Variants in LRRK2 observed in about 807,000 individuals in gnomAD.
The protein encoded by LRRK2 is leucine rich repeat kinase 2.
In LRRK2, 203 loss-of-function variants were observed where a neutral mutation model predicts 302.6. The ratio of observed to expected loss-of-function variants is 0.67; its 90% CI spans 0.60 to 0.75. The LOEUF is 0.75. Ranked by LOEUF, LRRK2 falls within the 30% of genes least tolerant of loss-of-function variation. The pLI is 0.00. For missense variants in LRRK2, 2,830 were observed against 2,951.0 expected (o/e 0.96, Z 0.95); for synonymous variants, 1,066 against 1,031.9 (o/e 1.03, Z -0.63).
intron 41 of LRRK2, among the ~76,000 whole-genome samples, chr12:40,345,642 A>AAAAAAG (rs1946170863): frequency 6.6e-6 from 1 of 150,800 alleles, no homozygotes; most frequent in African/African-American, 2.4e-5. Flanking sequence ...AAAAAAAAAA[A>AAAAAAG]AAAGAAAGAA....
chr12:40,367,804 C>T lies in LRRK2; in HGVS notation c.*39C>T, dbSNP rs773544738. On this transcript the variant is annotated 3_prime_UTR_variant, in exon 51 of 51. Coordinates refer to ENST00000298910, the MANE Select transcript of LRRK2 (RefSeq NM_198578.4). ...ATTGTCTTTGGATAGGAAAATTATT[C>T]TCTCCTCTTGTAAATATTTATTTTA... The T allele has an allele frequency of 5.7e-6, 9 of 1,579,722 alleles. No individual in the cohort carries two copies. In the South Asian group the frequency reaches 8.1e-5, roughly 14 times the overall value.
chr12:40,278,133 G>C lies in LRRK2; in HGVS notation c.2113G>C (p.Asp705His), dbSNP rs374715956. 1.9e-6 allele frequency: 3 copies of C among 1,614,058 alleles called. No homozygotes were observed. Among genetic ancestry groups the C allele is most frequent in the East Asian group, 2.2e-5 (1 of 44,852 alleles). ...CAAGTGTTTTGCAAAAGTAGCTATGGATGATTACTTAAAAAATGTGATGCT... is the reference window on the plus strand; with the variant it reads ...CAAGTGTTTTGCAAAAGTAGCTATGCATGATTACTTAAAAAATGTGATGCT... ...CCKCFAKVAM[D>H]DYLKNVMLER... Residue 705 changes from aspartate (D) to histidine (H), a missense_variant, in exon 18 of 51, where the codon GAT becomes CAT. Transcript: ENST00000298910.
rs1592356889 is a variant in LRRK2, at chr12:40,367,453, G to A, written c.7463-191G>A. The A allele has an allele frequency of 4.3e-5, 19 of 444,710 alleles. No individual in the cohort carries two copies. The East Asian group carries it at 7.1e-4, about 17-fold the overall frequency. 27.5% of individuals were successfully genotyped at this position (444,710 alleles called of 1,614,324 possible). A position where few individuals can be genotyped will look rare whatever the true frequency, so the allele number is the denominator to read the frequency against. The stretch of plus-strand genomic sequence containing the variant: ...TTGATACTCTATTTGAAATTTAATA[G>A]TTTCTATAATGTATTATAAAACTTT... On this transcript the variant is annotated intron_variant, in intron 50 of 50. Transcript: ENST00000298910.
intron 47 of LRRK2, among the ~76,000 whole-genome samples, chr12:40,361,881 G>A (rs1340827920): frequency 6.6e-6 from 1 of 152,020 alleles, no homozygotes; most frequent in East Asian, 1.9e-4. Context: ...CGACTGAGAG[G>A]CATGTTGGGT....
intron 46 of LRRK2, among the ~76,000 whole-genome samples, chr12:40,358,361 G>C (rs1304447936): frequency 6.6e-6 from 1 of 152,076 alleles, no homozygotes; most frequent in African/African-American, 2.4e-5. Context: ...CATAGCTTCT[G>C]GTCTTACATT....
chr12:40,339,586 T>C (rs1443901776), intron 40 of LRRK2, among the ~76,000 whole-genome samples: 1 of 152,178 alleles, frequency 6.6e-6, no homozygotes, highest in Non-Finnish European at 1.5e-5. Context: ...CCCGTCATCT[T>C]TTCCAAGACA....
chr12:40,334,979 C>T lies in LRRK2; in HGVS notation c.5770C>T (p.Leu1924Phe). The change falls in exon 40 of 51, where the codon CTT (leucine) becomes TTT (phenylalanine). Residue 1924 changes from leucine to phenylalanine, a missense_variant. This residue lies in a region of LRRK2 where 253 missense variants were observed against 346.7 expected (regional missense o/e 0.73). Coordinates refer to ENST00000298910, the MANE Select transcript of LRRK2 (RefSeq NM_198578.4). ...LRLLRQELVV[L>F]CHLHHPSLIS... Reference sequence around the variant, plus strand: ...TGGACTTTTGCAGGAGCTTGTGGTGCTTTGCCACCTCCACCACCCCAGTTT... The same window carrying T: ...TGGACTTTTGCAGGAGCTTGTGGTGTTTTGCCACCTCCACCACCCCAGTTT... The T allele has an allele frequency of 1.2e-6, 2 of 1,613,958 alleles. No individual in the cohort carries two copies. Among genetic ancestry groups the T allele is most frequent in the Non-Finnish European group, 1.7e-6 (2 of 1,179,962 alleles).
At chr12:40,306,018 ACT>A (rs1483022799) in intron 28 of LRRK2, 52 bp downstream of exon 28, 54 of 1,361,528 alleles carry the variant, frequency 4.0e-5, no homozygotes, top group Non-Finnish European at 5.4e-5. Flanking sequence ...CAGATTTTCT[ACT>A]CTCTGTGACT....
At chr12:40,283,844 T>G in intron 18 of LRRK2, 31 bp from the exon 19 acceptor site, 2 of 1,578,596 alleles carry the variant, frequency 1.3e-6, no homozygotes, top group Non-Finnish European at 1.7e-6. Flanking sequence ...AATGTAGATT[T>G]TTAATATACT....
chr12:40,325,567 T>A (rs988278841), intron 38 of LRRK2, among the ~76,000 whole-genome samples: 1 of 152,224 alleles, frequency 6.6e-6, no homozygotes, highest in Non-Finnish European at 1.5e-5. Context: ...TTCCCTCAGA[T>A]GTGACAATCA....
chr12:40,311,430 C>T (rs1945035003), intron 31 of LRRK2, among the ~76,000 whole-genome samples: 1 of 151,928 alleles, frequency 6.6e-6, no homozygotes, highest in South Asian at 2.1e-4. Context: ...TGAAAAATAC[C>T]CTTGATAGTT....
rs200421639 is a variant in LRRK2, at chr12:40,310,390, T to A, written c.4318-41T>A. On this transcript the variant is annotated intron_variant, in intron 30 of 50. Coordinates refer to ENST00000298910, the MANE Select transcript of LRRK2 (RefSeq NM_198578.4). Reference sequence around the variant, plus strand: ...CAACAGGAATGTGAGCAGGCCCAGTTTGAAAGCAAACACAAGAGGGTTTTG... The same window carrying A: ...CAACAGGAATGTGAGCAGGCCCAGTATGAAAGCAAACACAAGAGGGTTTTG... 225 of 1,601,754 alleles carry A rather than the reference T, an allele frequency of 1.4e-4. 1 individual carries two copies. Among genetic ancestry groups the A allele is most frequent in the Non-Finnish European group, 1.6e-4 (188 of 1,170,424 alleles).
Position 40,363,416 on chromosome 12 carries a change from C to A in LRRK2, c.7043C>A (p.Ala2348Asp). ...TRTSQLFSYA[A>D]FSDSNIITVV... The stretch of plus-strand genomic sequence containing the variant: ...TTTCTCTGTAGGTTTTCTTATGCAG[C>A]TTTCAGTGATTCCAACATCATAACA... Residue 2348 changes from alanine (A) to aspartate (D), a missense_variant, in exon 48 of 51, where the codon GCT (alanine) becomes GAT (aspartate). Physicochemically the swap from Ala to Asp is moderately radical, Grantham distance 126. Around this residue, in one of 3 missense-constraint regions of LRRK2, gnomAD observed 456 missense variants for 456.3 expected, o/e 1.00. Coordinates refer to ENST00000298910, the MANE Select transcript of LRRK2 (RefSeq NM_198578.4). 6.2e-7 allele frequency: 1 copy of A among 1,611,476 alleles called. No individual in the cohort carries two copies. The highest frequency in any genetic ancestry group is 8.5e-7 in the Non-Finnish European group (1 of 1,178,396).
intron 3 of LRRK2, 94 bp downstream of exon 3, chr12:40,232,477 C>A: frequency 2.2e-6 from 2 of 918,548 alleles, no homozygotes; most frequent in Non-Finnish European, 3.6e-6. Flanking sequence ...CAATCCAAGG[C>A]TACTCCTGTG....
At chr12:40,281,067 C>CAAA (rs370464332) in intron 18 of LRRK2, among the ~76,000 whole-genome samples, 10 of 129,290 alleles carry the variant, frequency 7.7e-5, no homozygotes, top group African/African-American at 2.3e-4. Flanking sequence ...GACTCCGTCT[C>CAAA]AAAAAAAAAA....
chr12:40,324,657 A>G (rs1211276814), intron 38 of LRRK2, among the ~76,000 whole-genome samples: 1 of 152,218 alleles, frequency 6.6e-6, no homozygotes, highest in Non-Finnish European at 1.5e-5. Context: ...CCAAAATTTG[A>G]GACATGATAT....
chr12:40,321,049 G>A lies in LRRK2; in HGVS notation c.5031G>A (p.Arg1677=), dbSNP rs575582614. Residue 1677 remains arginine, a synonymous_variant, in exon 35 of 51, where the codon AGG becomes AGA. Coordinates refer to ENST00000298910, the MANE Select transcript of LRRK2 (RefSeq NM_198578.4). ...LLVPSSLSDH[R]PVIELPHCEN... ...TTGCCTTTAGTTTGTCTGACCACAGGCCTGTGATAGAGCTTCCCCATTGTG... is the reference window on the plus strand; with the variant it reads ...TTGCCTTTAGTTTGTCTGACCACAGACCTGTGATAGAGCTTCCCCATTGTG... 10 of 1,612,632 alleles carry A rather than the reference G, an allele frequency of 6.2e-6. No individual in the cohort carries two copies. The South Asian group carries it at 7.7e-5, about 12-fold the overall frequency.
rs180825086 is a variant in LRRK2 at position 40,367,963 on chromosome 12, C to T, written c.*198C>T. The T allele has an allele frequency of 8.0e-6, 3 of 374,700 alleles. No homozygotes were observed. Among genetic ancestry groups the T allele is most frequent in the Middle Eastern group, 7.8e-4 (1 of 1,290 alleles). The allele number at this position is 374,700 out of a possible 1,614,324, so 23.2% of individuals were successfully genotyped here. ...GTGTATTTTAAAGAACTATTTAAAA[C>T]ACAATGTTATATTTCTTATAAATAC... On this transcript the variant is annotated 3_prime_UTR_variant, in exon 51 of 51. Transcript: ENST00000298910.
At position 40,354,281 on chromosome 12, in the gene LRRK2, A is replaced by G. The variant is rs1348093639; in HGVS notation, c.6577-18A>G. 2 of 1,608,398 alleles carry G rather than the reference A, an allele frequency of 1.2e-6. No individual in the cohort carries two copies. The highest frequency in any genetic ancestry group is 4.5e-5 in the East Asian group (2 of 44,824). ...GCTTAAATCAAATCCTGCTAAGTAT[A>G]TTTTCTTTTCTTAACAGGAAGTTGC... On this transcript the variant is annotated intron_variant, in intron 44 of 50. Transcript: ENST00000298910.
Sources: gnomAD v4.1 joint callset for allele counts (sites outside exome capture counted in the v4.1 genomes callset) on GRCh38, gnomAD v4.1.1 for gene constraint, gnomAD v4.1.1 regional missense constraint, MANE v1.5 for transcripts, NCBI Gene and HGNC (gene_info 2026-07-23, HGNC 2026-07-21) for gene names.